Variants in SEC24A observed in about 807,000 individuals in gnomAD.
The protein encoded by SEC24A is SEC24 homolog A, COPII component, also known as protein transport protein Sec24A.
SEC24A carries 93 observed loss-of-function variants against 129.4 expected under a neutral mutation model. The ratio of observed to expected loss-of-function variants is 0.72; its 90% confidence interval spans 0.61 to 0.85. SEC24A has a LOEUF of 0.85. Ranked by LOEUF, SEC24A falls within the 40% of genes least tolerant of loss-of-function variation. The pLI is 0.00. For missense variants in SEC24A, 1,264 were observed against 1,307.4 expected, an observed-to-expected ratio of 0.97 and a Z score of 0.51; for synonymous variants, 460 against 467.3, an observed-to-expected ratio of 0.98 and a Z score of 0.20.
chr5:134,660,738 A>G (rs1750424508), intron 1 of SEC24A, among the ~76,000 whole-genome samples: 1 of 151,394 alleles, frequency 6.6e-6, no homozygotes. Flanking sequence ...GTTTTTTTTT[A>G]TAGGCATGGG....
chr5:134,668,828 C>A (rs1750756583), intron 3 of SEC24A, among the ~76,000 whole-genome samples: 1 of 151,808 alleles, frequency 6.6e-6, no homozygotes, highest in East Asian at 1.9e-4. Context: ...CCCGTAAGGC[C>A]ACTCCAGTGT....
chr5:134,690,430 C>T (rs903548210), intron 11 of SEC24A, among the ~76,000 whole-genome samples: 1 of 152,156 alleles, frequency 6.6e-6, no homozygotes, highest in Non-Finnish European at 1.5e-5. Flanking sequence ...CCTTCCACCT[C>T]GGCTTTTCAA....
chr5:134,661,636 T>G (rs1304739869), intron 2 of SEC24A, 50 bp downstream of exon 2: 2 of 1,376,678 alleles, frequency 1.5e-6, no homozygotes, highest in Non-Finnish European at 2.0e-6. Flanking sequence ...AAACTTTTGC[T>G]TATTTAGATG....
At chr5:134,713,230 C>T (rs543866175) in intron 18 of SEC24A, among the ~76,000 whole-genome samples, 3 of 152,186 alleles carry the variant, frequency 2.0e-5, no homozygotes, top group South Asian at 4.1e-4. Context: ...CGCGCCCGGC[C>T]GAAATATTTA....
At chr5:134,692,736 T>G in intron 12 of SEC24A, 79 bp downstream of exon 12, 1 of 915,566 alleles carries the variant, frequency 1.1e-6, no homozygotes, top group Non-Finnish European at 1.8e-6. Context: ...TTAAGTAAAA[T>G]TTTGATTATT....
chr5:134,692,262 G>T (rs1425531232), intron 11 of SEC24A, among the ~76,000 whole-genome samples: 2 of 151,978 alleles, frequency 1.3e-5, no homozygotes, highest in Non-Finnish European at 1.5e-5. Flanking sequence ...GCCCAGGCTG[G>T]TCTCAAACTC....
chr5:134,696,479 C>A (rs1253927972), intron 13 of SEC24A, among the ~76,000 whole-genome samples: 9 of 151,802 alleles, frequency 5.9e-5, no homozygotes, highest in African/African-American at 4.8e-5. Context: ...GGGAAAAAAA[C>A]CTACAGAAAA....
chr5:134,715,389 G>T (rs1419656145), intron 19 of SEC24A: 1 of 387,666 alleles, frequency 2.6e-6, no homozygotes, highest in African/African-American at 2.1e-5. Context: ...TCTAAGAAAT[G>T]GAAAGATTGT....
At chr5:134,685,358 CT>C (rs1488195414) in intron 9 of SEC24A, among the ~76,000 whole-genome samples, 1 of 149,498 alleles carries the variant, frequency 6.7e-6, no homozygotes, top group Admixed American at 6.7e-5. Flanking sequence ...AGAGCAACAC[CT>C]TCTCTCTAAA....
In SEC24A at chr5:134,714,003, C is replaced by G. The variant is rs1056858819; in HGVS notation, c.2728-1021C>G. On this transcript the variant is annotated intron_variant, in intron 18 of 22. Coordinates refer to ENST00000398844, the MANE Select transcript of SEC24A (RefSeq NM_021982.3). ...GTTGCAGTGAGCAGAGATCAAACCA[C>G]TACACTCCAGCCTTGGCGACAGAGG... Among the ~76,000 whole-genome samples, 3 of 151,626 alleles carry G rather than the reference C, an allele frequency of 2.0e-5. No individual in the cohort carries two copies. The South Asian group carries it at 6.2e-4, about 32-fold the overall frequency.
At chr5:134,688,000 G>T (rs1180693266) in intron 10 of SEC24A, among the ~76,000 whole-genome samples, 181 bp from the exon 11 acceptor site, 3 of 152,106 alleles carry the variant, frequency 2.0e-5, no homozygotes, top group East Asian at 3.8e-4. Context: ...TACATGTAGT[G>T]TTTTCCCTTT....
At chr5:134,693,410 G>A (rs1037530425) in intron 12 of SEC24A, 10 of 1,352,614 alleles carry the variant, frequency 7.4e-6, no homozygotes, top group African/African-American at 1.5e-5. Flanking sequence ...GATGGAGAAG[G>A]CCATATTTCA....
chr5:134,652,411 G>A (rs1295808572), intron 1 of SEC24A, among the ~76,000 whole-genome samples: 1 of 149,590 alleles, frequency 6.7e-6, no homozygotes, highest in African/African-American at 2.5e-5. Flanking sequence ...TCAGCCTCCT[G>A]AGCAACTGGG....
intron 1 of SEC24A, among the ~76,000 whole-genome samples, chr5:134,656,825 T>C (rs1750264053): frequency 6.7e-6 from 1 of 149,964 alleles, no homozygotes. Context: ...TCTGTCGCCC[T>C]GGCCGGAATG....
At chr5:134,673,585 G>A (rs1455705457) in intron 4 of SEC24A, among the ~76,000 whole-genome samples, 3 of 151,870 alleles carry the variant, frequency 2.0e-5, no homozygotes, top group African/African-American at 7.2e-5. Context: ...AGCCTCTCAA[G>A]TAGCTGGAAC....
chr5:134,659,239 T>G (rs1380626323), intron 1 of SEC24A, among the ~76,000 whole-genome samples: 1 of 151,730 alleles, frequency 6.6e-6, no homozygotes, highest in African/African-American at 2.4e-5. Context: ...GCTCCACTAA[T>G]TTTTTTGTAT....
intron 1 of SEC24A, among the ~76,000 whole-genome samples, chr5:134,654,346 C>T (rs1458774851): frequency 1.3e-5 from 2 of 151,558 alleles, no homozygotes; most frequent in Non-Finnish European, 2.9e-5. Flanking sequence ...CTCAGCCTCC[C>T]GAGTAGCTGG....
rs1750683993 is a variant in SEC24A at position 134,666,960 on chromosome 5, C to A, written c.703C>A (p.Pro235Thr). 1.3e-6 allele frequency: 2 copies of A among 1,587,346 alleles called. No homozygotes were observed. The highest frequency in any genetic ancestry group is 1.7e-6 in the Non-Finnish European group (2 of 1,172,212). The change falls in exon 3 of 23, where the codon CCC (proline) becomes ACC (threonine). Residue 235 changes from proline to threonine, a missense_variant. Transcript: ENST00000398844. ...CCTGACATCATCATATAGAGATGTACCCCAGCCCTTATTTAATTCAGCTGT... is the reference window on the plus strand; with the variant it reads ...CCTGACATCATCATATAGAGATGTAACCCAGCCCTTATTTAATTCAGCTGT... ...TPLTSSYRDV[P>T]QPLFNSAVNQ...
chr5:134,672,784 C>T (rs917998034), intron 4 of SEC24A, among the ~76,000 whole-genome samples: 2 of 151,610 alleles, frequency 1.3e-5, no homozygotes, highest in African/African-American at 2.4e-5. Flanking sequence ...CACCCAGGCT[C>T]AAGTGCAGTA....
Sources: gnomAD v4.1 joint callset for allele counts (sites outside exome capture counted in the v4.1 genomes callset) on GRCh38, gnomAD v4.1.1 for gene constraint, MANE v1.5 for transcripts, NCBI Gene and HGNC (gene_info 2026-07-23, HGNC 2026-07-21) for gene names.